Variants in SPHKAP observed in about 807,000 individuals in gnomAD.
The protein encoded by SPHKAP is SPHK1 interactor, AKAP domain containing.
Under a neutral mutation model 137.5 loss-of-function variants are expected in SPHKAP, and 67 were observed. The observed-to-expected ratio is 0.49, with a 90% CI of 0.40 to 0.60. The LOEUF is 0.60. SPHKAP is among the 20% of genes least tolerant of loss of function. The pLI is 0.00. For synonymous variants in SPHKAP, 813 were observed against 785.3 expected (o/e 1.04, Z -0.59); for missense variants, 2,097 against 2,069.3 (o/e 1.01, Z -0.26).
intron 6 of SPHKAP, among the ~76,000 whole-genome samples, chr2:228,020,644 C>T (rs1259006174): frequency 1.3e-5 from 2 of 151,942 alleles, no homozygotes; most frequent in African/African-American, 2.4e-5. Context: ...TACAGCACAC[C>T]AACATGGCAC....
intron 3 of SPHKAP, among the ~76,000 whole-genome samples, chr2:228,066,999 C>T (rs1696847931): frequency 6.6e-6 from 1 of 152,196 alleles, no homozygotes; most frequent in Non-Finnish European, 1.5e-5. Flanking sequence ...TAAAACAGAT[C>T]CAGAATTGTC....
intron 1 of SPHKAP, among the ~76,000 whole-genome samples, chr2:228,178,505 T>C (rs560829354): frequency 6.6e-6 from 1 of 152,292 alleles, no homozygotes; most frequent in South Asian, 2.1e-4. Flanking sequence ...TAATACAGTG[T>C]ACTATAGAAC....
intron 3 of SPHKAP, among the ~76,000 whole-genome samples, chr2:228,033,036 T>G (rs960291636): frequency 6.6e-5 from 10 of 152,084 alleles, no homozygotes; most frequent in African/African-American, 2.4e-4. Context: ...CAATATTAAC[T>G]TTAAATGTAA....
chr2:228,153,583 G>A (rs1236128108), intron 1 of SPHKAP, among the ~76,000 whole-genome samples: 4 of 152,100 alleles, frequency 2.6e-5, no homozygotes, highest in African/African-American at 9.7e-5. Flanking sequence ...TCAAGTATCA[G>A]TCTAGTTATT....
In SPHKAP at chr2:228,109,400, G is replaced by T. The variant is rs186125195; in HGVS notation, c.139-461C>A. 3.4e-5 allele frequency: 33 copies of T among 983,732 alleles called. No individual in the cohort carries two copies. In the East Asian group the frequency reaches 3.4e-3, roughly 102 times the overall value. The allele number at this position is 983,732 out of a possible 1,614,324, so 60.9% of individuals were successfully genotyped here. On this transcript the variant is annotated intron_variant, in intron 2 of 11. Coordinates refer to ENST00000392056, the MANE Select transcript of SPHKAP (RefSeq NM_001142644.2). ...TCTGCTAACTTAGCTTTGAACTAGT[G>T]TACAATTTTTCTAGAACACCTAAGG...
At chr2:228,109,261 A>G in intron 2 of SPHKAP, 2 of 552,412 alleles carry the variant, frequency 3.6e-6, no homozygotes, top group South Asian at 1.6e-4. Context: ...CTATGTGGGC[A>G]ATGGGGATCA....
chr2:228,063,492 G>T (rs1422640297), intron 3 of SPHKAP, among the ~76,000 whole-genome samples: 1 of 152,150 alleles, frequency 6.6e-6, no homozygotes, highest in African/African-American at 2.4e-5. Flanking sequence ...GCTACATTTT[G>T]CAACAATGTA....
intron 1 of SPHKAP, among the ~76,000 whole-genome samples, chr2:228,142,187 C>T (rs1056276559): frequency 8.5e-5 from 13 of 152,060 alleles, no homozygotes; most frequent in South Asian, 4.1e-4. Flanking sequence ...AGAGAAGAAA[C>T]GTAGTTGCAT....
At chr2:228,015,609 G>A (rs1694551061) in intron 7 of SPHKAP, among the ~76,000 whole-genome samples, 1 of 152,162 alleles carries the variant, frequency 6.6e-6, no homozygotes, top group Admixed American at 6.5e-5. Flanking sequence ...CAGCCTCAGA[G>A]AAATTATTAC....
At chr2:228,138,333 C>T (rs984400013) in intron 1 of SPHKAP, among the ~76,000 whole-genome samples, 5 of 152,190 alleles carry the variant, frequency 3.3e-5, no homozygotes, top group Non-Finnish European at 7.3e-5. Flanking sequence ...CAGTTCTGCA[C>T]CGACAGCTCT....
intron 7 of SPHKAP, among the ~76,000 whole-genome samples, chr2:228,004,251 T>C (rs1462055524): frequency 6.6e-6 from 1 of 152,176 alleles, no homozygotes; most frequent in African/African-American, 2.4e-5. Context: ...CTGTTATTGG[T>C]CTATTCAGAG....
chr2:228,130,757 T>C (rs1028195211), intron 2 of SPHKAP, among the ~76,000 whole-genome samples: 1 of 152,182 alleles, frequency 6.6e-6, no homozygotes. Flanking sequence ...TTAGCTCTTT[T>C]ATGAATAACT....
At chr2:228,139,717 C>T (rs1322972932) in intron 1 of SPHKAP, among the ~76,000 whole-genome samples, 3 of 151,964 alleles carry the variant, frequency 2.0e-5, no homozygotes, top group African/African-American at 2.4e-5. Flanking sequence ...TTAATGAAGG[C>T]TATGGGGGAA....
At chr2:228,095,241 C>T (rs181464636) in intron 3 of SPHKAP, among the ~76,000 whole-genome samples, 1 of 152,214 alleles carries the variant, frequency 6.6e-6, no homozygotes, top group African/African-American at 2.4e-5. Context: ...GGCACTTGGG[C>T]ATCAAGTTTA....
At chr2:227,986,336 G>A (rs970867675) in intron 11 of SPHKAP, among the ~76,000 whole-genome samples, 4 of 152,076 alleles carry the variant, frequency 2.6e-5, no homozygotes, top group Admixed American at 6.6e-5. Context: ...ACCTAACATC[G>A]TATGTTCTCA....
chr2:228,122,669 C>T (rs76122293), intron 2 of SPHKAP, among the ~76,000 whole-genome samples: 5,404 of 152,180 alleles, frequency 0.036, 291 homozygotes, highest in African/African-American at 0.12. Context: ...GCCTTTAAGG[C>T]GAGAGAAGCC....
intron 3 of SPHKAP, among the ~76,000 whole-genome samples, chr2:228,108,536 C>T (rs1036676313): frequency 1.3e-5 from 2 of 152,004 alleles, no homozygotes; most frequent in African/African-American, 4.8e-5. Flanking sequence ...TGTTGAATGG[C>T]TTTCTACTTC....
chr2:228,016,842 C>G lies in SPHKAP; in HGVS notation c.4012G>C (p.Gly1338Arg), dbSNP rs370472666. The change falls in exon 7 of 12, where the codon GGT becomes CGT. Residue 1338 changes from glycine to arginine, a missense_variant. Physicochemically the swap from Gly to Arg is moderately radical, Grantham distance 125. Transcript: ENST00000392056. ...AEEADTEPVS[G>R]GSPSQAEKCA... ...TTCTCTGCTTGCGAGGGAGAGCCAC[C>G]AGAAACAGGCTCAGTGTCAGCTTCC... The G allele has an allele frequency of 7.9e-5, 127 of 1,613,908 alleles. No homozygotes were observed. Among genetic ancestry groups the G allele is most frequent in the Non-Finnish European group, 1.0e-4 (122 of 1,180,022 alleles).
intron 4 of SPHKAP, among the ~76,000 whole-genome samples, chr2:228,026,380 A>T (rs569195612): frequency 6.6e-6 from 1 of 152,292 alleles, no homozygotes; most frequent in Non-Finnish European, 1.5e-5. Context: ...GAGCCTGTAT[A>T]TATGTTAAAT....
Sources: allele counts gnomAD v4.1 joint callset (sites outside exome capture counted in the v4.1 genomes callset), GRCh38; gene constraint gnomAD v4.1.1; transcripts MANE v1.5; gene names NCBI Gene and HGNC (gene_info 2026-07-23, HGNC 2026-07-21).